The following TUSC3 variants were observed in gnomAD, a reference collection of about 807,000 sequenced individuals.
TUSC3 encodes dolichyl-diphosphooligosaccharide--protein glycosyltransferase subunit TUSC3.
TUSC3 carries 45 observed loss-of-function variants against 44.8 expected under a neutral mutation model. The observed-to-expected ratio is 1.00, with a 90% confidence interval of 0.79 to 1.29. The LOEUF is 1.29. Among genes scored for constraint, TUSC3 ranks in the 50% most tolerant of loss-of-function variants. The probability of loss-of-function intolerance (pLI) is 0.00; values close to 1 mark genes in which losing one functional copy is unlikely to be tolerated. For missense variants in TUSC3, 519 were observed against 437.9 expected (o/e 1.19, Z -1.65); for synonymous variants, 212 against 152.9 (o/e 1.39, Z -2.85).
At chr8:15,546,979 T>C (rs969538138) in intron 1 of TUSC3, among the ~76,000 whole-genome samples, 5 of 151,714 alleles carry the variant, frequency 3.3e-5, no homozygotes, top group Non-Finnish European at 7.4e-5. Flanking sequence ...AAATCTGTTA[T>C]AAAAGTCTAA....
At chr8:15,807,481 A>T in the TUSC3 span, among the ~76,000 whole-genome samples, 1 of 152,100 alleles carries the variant, frequency 6.6e-6, no homozygotes, top group Non-Finnish European at 1.5e-5. Flanking sequence ...AAAGAATGTA[A>T]AACAGAACTA....
the TUSC3 span, among the ~76,000 whole-genome samples, chr8:15,816,871 G>A: frequency 1.8e-4 from 27 of 152,252 alleles, no homozygotes; most frequent in East Asian, 4.8e-3. Flanking sequence ...AGTTCATAGC[G>A]CCTAGCAGAA....
chr8:15,529,445 A>G (rs1217691088), intron 2 of TUSC3, among the ~76,000 whole-genome samples: 1 of 152,190 alleles, frequency 6.6e-6, no homozygotes, highest in Non-Finnish European at 1.5e-5. Flanking sequence ...TGTTGATTAC[A>G]TAGACATAGC....
intron 1 of TUSC3, among the ~76,000 whole-genome samples, chr8:15,431,038 A>G (rs1799866942): frequency 6.6e-6 from 1 of 151,682 alleles, no homozygotes; most frequent in African/African-American, 2.4e-5. Flanking sequence ...CTCCACTGGT[A>G]TATGTATCAG....
intron 1 of TUSC3, among the ~76,000 whole-genome samples, chr8:15,481,318 T>C (rs982208964): frequency 1.3e-5 from 2 of 151,078 alleles, no homozygotes; most frequent in Non-Finnish European, 2.9e-5. Flanking sequence ...CCGTCATCAA[T>C]GGATTAATGC....
chr8:15,519,261 G>A (rs1430400113), intron 2 of TUSC3, among the ~76,000 whole-genome samples: 1 of 152,124 alleles, frequency 6.6e-6, no homozygotes, highest in Non-Finnish European at 1.5e-5. Context: ...AATCCTAATT[G>A]AAACTTACTA....
At chr8:15,841,609 G>C in the TUSC3 span, among the ~76,000 whole-genome samples, 1 of 151,998 alleles carries the variant, frequency 6.6e-6, no homozygotes, top group Non-Finnish European at 1.5e-5. Flanking sequence ...TGCCTCCCGG[G>C]TTCAAGCGAT....
the TUSC3 span, among the ~76,000 whole-genome samples, chr8:15,817,168 C>T: frequency 6.6e-6 from 1 of 152,056 alleles, no homozygotes; most frequent in Admixed American, 6.6e-5. Flanking sequence ...TTTTTAAAAA[C>T]TCAGGTAGGT....
At chr8:15,851,606 T>G in the TUSC3 span, among the ~76,000 whole-genome samples, 1 of 152,186 alleles carries the variant, frequency 6.6e-6, no homozygotes, top group Non-Finnish European at 1.5e-5. Flanking sequence ...GACTGAACCT[T>G]GATTGCTCTG....
the TUSC3 span, among the ~76,000 whole-genome samples, chr8:15,808,741 G>C: frequency 1.3e-5 from 2 of 152,116 alleles, no homozygotes; most frequent in Non-Finnish European, 2.9e-5. Flanking sequence ...CTGTCAGTCA[G>C]TGTTAGCTTT....
chr8:15,515,173 A>G (rs1801200659), intron 2 of TUSC3, among the ~76,000 whole-genome samples: 1 of 152,044 alleles, frequency 6.6e-6, no homozygotes, highest in South Asian at 2.1e-4. Flanking sequence ...CTTTTTCAAG[A>G]TTGTTTTGGC....
intron 1 of TUSC3, among the ~76,000 whole-genome samples, chr8:15,419,521 C>A (rs1192136151): frequency 6.6e-6 from 1 of 151,942 alleles, no homozygotes; most frequent in Non-Finnish European, 1.5e-5. Context: ...TTTGATGTGG[C>A]AAGTTTAAGA....
intron 1 of TUSC3, among the ~76,000 whole-genome samples, chr8:15,555,327 C>T (rs1802219559): frequency 9.7e-6 from 1 of 103,610 alleles, no homozygotes. Flanking sequence ...CATGGTCTTG[C>T]TCTGTTGCCC....
chr8:15,651,361 G>A (rs118058071), intron 3 of TUSC3, among the ~76,000 whole-genome samples: 1 of 152,064 alleles, frequency 6.6e-6, no homozygotes, highest in South Asian at 2.1e-4. Context: ...TACATATAGA[G>A]GATTAAATAT....
intron 1 of TUSC3, among the ~76,000 whole-genome samples, chr8:15,454,034 C>G (rs528923364): frequency 6.6e-6 from 1 of 152,216 alleles, no homozygotes; most frequent in African/African-American, 2.4e-5. Flanking sequence ...GGAGGAATGC[C>G]TCAAATTAGC....
the TUSC3 span, among the ~76,000 whole-genome samples, chr8:15,833,854 AG>A: frequency 6.8e-6 from 1 of 146,204 alleles, no homozygotes; most frequent in African/African-American, 2.5e-5. Context: ...AAAAAAAAAA[AG>A]GTGTTTTAAA....
intron 6 of TUSC3, chr8:15,689,603 TG>T (rs1216011806): frequency 6.4e-6 from 1 of 155,952 alleles, no homozygotes; most frequent in Admixed American, 6.5e-5. Context: ...ACCAACACCA[TG>T]CCTGGCAATC....
At chr8:15,427,833 A>G (rs1799823807) in intron 1 of TUSC3, among the ~76,000 whole-genome samples, 3 of 152,136 alleles carry the variant, frequency 2.0e-5, no homozygotes, top group Admixed American at 2.0e-4. Flanking sequence ...GACAACACCA[A>G]TGTCAAGAAG....
chr8:15,551,827 C>T (rs1802070597), intron 1 of TUSC3, among the ~76,000 whole-genome samples: 1 of 151,716 alleles, frequency 6.6e-6, no homozygotes, highest in Admixed American at 6.6e-5. Flanking sequence ...TTCTCTGTAT[C>T]CCTTTTCCTT....
Sources: gnomAD v4.1 joint callset for allele counts (sites outside exome capture counted in the v4.1 genomes callset) on GRCh38, gnomAD v4.1.1 for gene constraint, MANE v1.5 for transcripts, NCBI Gene and HGNC (gene_info 2026-07-23, HGNC 2026-07-21) for gene names.